DNAH5: variants seen among roughly 807,000 people sequenced by gnomAD.
DNAH5 encodes axonemal beta dynein heavy chain 5.
A neutral mutation model predicts 518.2 loss-of-function variants in DNAH5; 372 were observed. The ratio of observed to expected loss-of-function variants is 0.72; its 90% CI spans 0.66 to 0.78. The LOEUF is 0.78. Ranked by LOEUF, DNAH5 falls within the 30% of genes least tolerant of loss-of-function variation. DNAH5 has a pLI of 0.00. For missense variants in DNAH5, 5,523 were observed against 5,687.0 expected, an observed-to-expected ratio of 0.97 and a Z score of 0.93; for synonymous variants, 2,039 against 2,025.9, an observed-to-expected ratio of 1.01 and a Z score of -0.17.
intron 78 of DNAH5, among the ~76,000 whole-genome samples, chr5:13,696,507 A>G (rs1024038751): frequency 2.0e-5 from 3 of 152,218 alleles, no homozygotes; most frequent in African/African-American, 7.2e-5. Context: ...TTCTTCTTGT[A>G]GAAAACAAAC....
At chr5:13,917,765 G>A (rs1047591714) in intron 7 of DNAH5, among the ~76,000 whole-genome samples, 2 of 152,156 alleles carry the variant, frequency 1.3e-5, no homozygotes, top group African/African-American at 2.4e-5. Context: ...TATTTAGCAC[G>A]TCAGTACATT....
chr5:13,717,354 C>T lies in DNAH5; in HGVS notation c.12666G>A (p.Gln4222=). 1 of 1,614,024 alleles carries T rather than the reference C, an allele frequency of 6.2e-7. No individual in the cohort carries two copies. Residue 4222 remains glutamine, a synonymous_variant, in exon 73 of 79, where the codon CAG becomes CAA. Coordinates refer to ENST00000265104, the MANE Select transcript of DNAH5 (RefSeq NM_001369.3). ...FNQADFNATV[Q]FIQNHLDDMD... ...TGTCATCCAAGTGGTTTTGGATGAA[C>T]TGCACAGTGGCATTAAAGTCCGCTT...
chr5:13,731,524 G>A (rs998633384), intron 68 of DNAH5, among the ~76,000 whole-genome samples: 26 of 152,124 alleles, frequency 1.7e-4, no homozygotes, highest in Admixed American at 4.6e-4. Flanking sequence ...TTGGGGGAGA[G>A]GACATATTCC....
chr5:13,807,646 C>T lies in DNAH5; in HGVS notation c.7832G>A (p.Cys2611Tyr). The T allele has an allele frequency of 6.2e-7, 1 of 1,611,908 alleles. No homozygotes were observed. The highest frequency in any genetic ancestry group is 8.5e-7 in the Non-Finnish European group (1 of 1,178,396). ...KGFMSKYDPE[C>Y]HMIKSLNFSS... ...AAAATTCAGACTCTTGATCATGTGA[C>T]ATTCAGGATCATATTTTGACATAAA... The change falls in exon 47 of 79, where the codon TGT (cysteine) becomes TAT (tyrosine). Residue 2611 changes from cysteine to tyrosine, a missense_variant. By Grantham distance (194) the Cys-to-Tyr change is radical. Transcript: ENST00000265104.
chr5:13,811,883 T>A, intron 43 of DNAH5, 60 bp from the exon 44 acceptor site: 1 of 1,530,080 alleles, frequency 6.5e-7, no homozygotes, highest in Non-Finnish European at 9.0e-7. Flanking sequence ...AAAATGGTCA[T>A]TTGGGGACAA....
At chr5:13,994,716 C>T (rs1026400891) in intron 1 of DNAH5, among the ~76,000 whole-genome samples, 1 of 152,118 alleles carries the variant, frequency 6.6e-6, no homozygotes, top group African/African-American at 2.4e-5. Context: ...GATGAATGAC[C>T]TCAATTTGAG....
intron 29 of DNAH5, among the ~76,000 whole-genome samples, chr5:13,862,048 G>A (rs2151904787): frequency 6.7e-6 from 1 of 150,070 alleles, no homozygotes; most frequent in East Asian, 2.0e-4. Flanking sequence ...AGAGTTTCTA[G>A]TCCACAGATA....
rs756945576 is a variant in DNAH5, at chr5:13,829,599, A to T, written c.6355T>A (p.Leu2119Met). 4 of 1,614,204 alleles carry T rather than the reference A, an allele frequency of 2.5e-6. No individual in the cohort carries two copies. The East Asian group carries it at 8.9e-5, about 36-fold the overall frequency. Residue 2119 changes from leucine to methionine, a missense_variant, in exon 38 of 79, where the codon TTG becomes ATG. This residue lies in a region of DNAH5 where 5,121 missense variants were observed against 5,223.3 expected (regional missense o/e 0.98). Coordinates refer to ENST00000265104, the MANE Select transcript of DNAH5 (RefSeq NM_001369.3). The stretch of plus-strand genomic sequence containing the variant: ...TTGTCAATGAAGCCACAACTAGCCA[A>T]CTTCACCCTTATGATAATCTGACGG... Reference protein sequence around the residue: ...PDRQIIIRVKLASCGFIDNVV... With the variant: ...PDRQIIIRVKMASCGFIDNVV...
intron 37 of DNAH5, 41 bp from the exon 38 acceptor site, chr5:13,829,745 A>AGCATAATATGAT (rs1221950292): frequency 6.5e-7 from 1 of 1,538,622 alleles, no homozygotes; most frequent in Non-Finnish European, 9.0e-7. Flanking sequence ...GATGCAATCA[A>AGCATAATATGAT]GCACACATCA....
At chr5:13,842,491 AAAG>A (rs1765421918) in intron 32 of DNAH5, among the ~76,000 whole-genome samples, 1 of 113,150 alleles carries the variant, frequency 8.8e-6, no homozygotes, top group Non-Finnish European at 1.8e-5. Context: ...AAGAGAAAGA[AAAG>A]AAAGAAAGAA....
At chr5:13,970,357 T>C (rs910618142) in intron 1 of DNAH5, among the ~76,000 whole-genome samples, 1 of 152,124 alleles carries the variant, frequency 6.6e-6, no homozygotes, top group Admixed American at 6.5e-5. Context: ...ACCTCATTGG[T>C]TTTTTTCATT....
At chr5:13,987,633 A>C (rs999216235) in intron 1 of DNAH5, among the ~76,000 whole-genome samples, 10 of 152,096 alleles carry the variant, frequency 6.6e-5, no homozygotes, top group African/African-American at 2.2e-4. Flanking sequence ...AAGGCAGATC[A>C]CCTGACGTCA....
chr5:13,844,771 C>T, intron 32 of DNAH5, 66 bp downstream of exon 32: 1 of 1,603,470 alleles, frequency 6.2e-7, no homozygotes, highest in Non-Finnish European at 8.5e-7. Flanking sequence ...TTTCGAAGAG[C>T]TACTTAAAGA....
intron 55 of DNAH5, among the ~76,000 whole-genome samples, chr5:13,774,592 A>G (rs1489779111): frequency 2.0e-5 from 3 of 152,150 alleles, no homozygotes; most frequent in Non-Finnish European, 2.9e-5. Flanking sequence ...TCTTGTCTTG[A>G]GTCTGTCCAA....
At chr5:13,704,408 T>C (rs973815217) in intron 76 of DNAH5, among the ~76,000 whole-genome samples, 4 of 152,206 alleles carry the variant, frequency 2.6e-5, no homozygotes, top group African/African-American at 4.8e-5. Context: ...GGTAAGTCTG[T>C]CTGATACCAA....
In DNAH5 at chr5:13,814,341, C is replaced by G. The variant is rs16902776; in HGVS notation, c.7230+264G>C. Among the ~76,000 whole-genome samples, 40,026 of 152,072 alleles carry G rather than the reference C, an allele frequency of 0.26. 5,806 individuals are homozygous for G. The highest frequency in any genetic ancestry group is 0.54 in the East Asian group (2,774 of 5,170). On this transcript the variant is annotated intron_variant, in intron 43 of 78. Transcript: ENST00000265104. ...TCAGTCCTCAGACACAGTTTGGCAA[C>G]ACTGTTGGTTCATACAGGCCTGGCA... is the stretch of plus-strand genomic sequence containing the variant.
chr5:13,719,455 A>G (rs373099287), intron 71 of DNAH5, among the ~76,000 whole-genome samples: 2 of 152,186 alleles, frequency 1.3e-5, no homozygotes, highest in Non-Finnish European at 2.9e-5. Flanking sequence ...TACAATGAAG[A>G]AAATTTTTAA....
At chr5:13,992,403 G>C (rs191000873) in intron 1 of DNAH5, among the ~76,000 whole-genome samples, 1 of 152,302 alleles carries the variant, frequency 6.6e-6, no homozygotes, top group Non-Finnish European at 1.5e-5. Context: ...AAGCCCATGA[G>C]CTCTCTTTTC....
chr5:13,747,638 T>A (rs1749578675), intron 65 of DNAH5, among the ~76,000 whole-genome samples: 1 of 152,248 alleles, frequency 6.6e-6, no homozygotes, highest in Admixed American at 6.5e-5. Context: ...TGATGGTCAG[T>A]GATGATGAGC....
Sources: gnomAD v4.1 joint callset for allele counts (sites outside exome capture counted in the v4.1 genomes callset) on GRCh38, gnomAD v4.1.1 for gene constraint, gnomAD v4.1.1 regional missense constraint, MANE v1.5 for transcripts, NCBI Gene and HGNC (gene_info 2026-07-23, HGNC 2026-07-21) for gene names.